FGF14: variants seen among roughly 807,000 people sequenced by gnomAD.
FGF14 encodes fibroblast growth factor homologous factor 4.
FGF14 carries 5 observed loss-of-function variants against 25.5 expected under a neutral mutation model. The observed-to-expected ratio is 0.20, with a 90% confidence interval of 0.10 to 0.41. FGF14 has a LOEUF of 0.41. Among genes scored for constraint, FGF14 ranks in the 10% least tolerant of loss-of-function variants. FGF14 has a pLI of 1.00. For missense variants in FGF14, 222 were observed against 320.1 expected (o/e 0.69, Z 2.34); for synonymous variants, 138 against 118.3 (o/e 1.17, Z -1.08).
At chr13:101,905,470 C>T (rs1235520005) in intron 1 of FGF14, among the ~76,000 whole-genome samples, 3 of 151,948 alleles carry the variant, frequency 2.0e-5, no homozygotes, top group African/African-American at 4.8e-5. Flanking sequence ...CCAAACATCG[C>T]GTGTTCTCAC....
At chr13:102,151,175 G>T (rs1180633437) in intron 1 of FGF14, among the ~76,000 whole-genome samples, 3 of 152,136 alleles carry the variant, frequency 2.0e-5, no homozygotes, top group Non-Finnish European at 2.9e-5. Flanking sequence ...CCAAGAGACA[G>T]GTCAGCAGGG....
At chr13:101,734,390 A>T (rs1430026885) in intron 3 of FGF14, among the ~76,000 whole-genome samples, 1 of 152,218 alleles carries the variant, frequency 6.6e-6, no homozygotes, top group African/African-American at 2.4e-5. Context: ...TCTATAAGTA[A>T]GATATTTTAA....
chr13:101,828,594 G>C (rs2146694), intron 3 of FGF14, among the ~76,000 whole-genome samples: 86,813 of 151,388 alleles, frequency 0.57, 25,370 homozygotes, highest in East Asian at 0.93. Flanking sequence ...TGTATTCTTC[G>C]CATTCATACA....
chr13:101,952,342 G>C lies in FGF14; in HGVS notation c.209-77046C>G, dbSNP rs80061077. ...ACGGCATGAAGTTACATTTTAAAAT[G>C]AGGACTTCTCTAGATCCTGTTTTTC... On this transcript the variant is annotated intron_variant, in intron 1 of 4. Transcript: ENST00000376131. 1.6e-3 allele frequency among the ~76,000 whole-genome samples: 243 copies of C among 151,900 alleles called. 1 individual carries two copies. The highest frequency in any genetic ancestry group is 5.7e-3 in the African/African-American group (236 of 41,408).
chr13:102,117,570 G>T (rs2045532015), intron 1 of FGF14, among the ~76,000 whole-genome samples: 1 of 152,014 alleles, frequency 6.6e-6, no homozygotes, highest in Non-Finnish European at 1.5e-5. Context: ...GCACAAGGAG[G>T]CATTGTTTAT....
At chr13:102,224,137 T>C in intron 1 of FGF14, among the ~76,000 whole-genome samples, 2 of 152,262 alleles carry the variant, frequency 1.3e-5, no homozygotes, top group Middle Eastern at 6.8e-3. Flanking sequence ...CATATAACTT[T>C]TTCCTATCAT....
chr13:102,270,234 ATCTC>A (rs750909031), intron 1 of FGF14, among the ~76,000 whole-genome samples: 6 of 149,530 alleles, frequency 4.0e-5, no homozygotes, highest in African/African-American at 7.3e-5. Flanking sequence ...AATGTCTTTC[ATCTC>A]TCTCTCTCTC....
intron 1 of FGF14, among the ~76,000 whole-genome samples, chr13:102,370,206 T>TGCTCTTGA (rs2057836848): frequency 6.6e-6 from 1 of 152,130 alleles, no homozygotes. Flanking sequence ...TTGCTAAGGC[T>TGCTCTTGA]GCTCTTGAAC....
intron 3 of FGF14, among the ~76,000 whole-genome samples, chr13:101,777,533 C>T (rs548364369): frequency 2.6e-5 from 4 of 152,248 alleles, no homozygotes; most frequent in African/African-American, 9.6e-5. Context: ...TCCATTGTGT[C>T]TCTAACTGCA....
intron 1 of FGF14, among the ~76,000 whole-genome samples, chr13:102,178,219 A>T (rs2048524674): frequency 6.6e-6 from 1 of 152,100 alleles, no homozygotes; most frequent in Non-Finnish European, 1.5e-5. Context: ...CAGAAACACC[A>T]TTATGGCTCA....
At chr13:102,041,821 G>C (rs897565381) in intron 1 of FGF14, among the ~76,000 whole-genome samples, 1 of 152,112 alleles carries the variant, frequency 6.6e-6, no homozygotes, top group African/African-American at 2.4e-5. Context: ...CTATCTAGGT[G>C]AAAGTTCTTT....
chr13:101,944,356 A>G (rs917620758), intron 1 of FGF14, among the ~76,000 whole-genome samples: 5 of 152,042 alleles, frequency 3.3e-5, no homozygotes, highest in Admixed American at 3.3e-4. Context: ...TTTACATATT[A>G]TTTTTTTCTT....
At chr13:102,304,025 G>C (rs1008819212) in intron 1 of FGF14, among the ~76,000 whole-genome samples, 1 of 152,054 alleles carries the variant, frequency 6.6e-6, no homozygotes, top group African/African-American at 2.4e-5. Context: ...TCAAAAGTTG[G>C]TTGGTGTTTA....
At chr13:101,910,140 GT>G (rs2032755256) in intron 1 of FGF14, among the ~76,000 whole-genome samples, 1 of 151,998 alleles carries the variant, frequency 6.6e-6, no homozygotes, top group South Asian at 2.1e-4. Context: ...TATACCTAAT[GT>G]TAAATGACGA....
At chr13:101,809,980 T>C (rs996023632) in intron 3 of FGF14, among the ~76,000 whole-genome samples, 1 of 152,180 alleles carries the variant, frequency 6.6e-6, no homozygotes, top group Non-Finnish European at 1.5e-5. Flanking sequence ...ACTTAAGATC[T>C]TGAAAACAGA....
chr13:102,123,182 A>G (rs2045806462), intron 1 of FGF14, among the ~76,000 whole-genome samples: 1 of 152,174 alleles, frequency 6.6e-6, no homozygotes, highest in South Asian at 2.1e-4. Flanking sequence ...AATCACAGAA[A>G]GATTAAAGAA....
chr13:101,843,952 A>T (rs2043320686), intron 3 of FGF14, among the ~76,000 whole-genome samples: 4 of 152,030 alleles, frequency 2.6e-5, no homozygotes, highest in Admixed American at 2.6e-4. Context: ...GAAAGAAAGA[A>T]CCCTAATAGG....
At chr13:102,352,064 A>G (rs1053726087) in intron 1 of FGF14, among the ~76,000 whole-genome samples, 1 of 152,194 alleles carries the variant, frequency 6.6e-6, no homozygotes, top group Non-Finnish European at 1.5e-5. Context: ...AACTACAAGC[A>G]AATGTTTAAA....
At chr13:101,978,359 G>C (rs1050315795) in intron 1 of FGF14, among the ~76,000 whole-genome samples, 3 of 152,092 alleles carry the variant, frequency 2.0e-5, no homozygotes, top group Admixed American at 2.0e-4. Flanking sequence ...AATTGTCTCT[G>C]CCTAATCTGC....
Sources: allele counts gnomAD v4.1 joint callset (sites outside exome capture counted in the v4.1 genomes callset), GRCh38; gene constraint gnomAD v4.1.1; transcripts MANE v1.5; gene names NCBI Gene and HGNC (gene_info 2026-07-23, HGNC 2026-07-21).